Variants in NRXN1 observed in about 807,000 individuals in gnomAD.
The protein encoded by NRXN1 is neurexin 1, also known as neurexin-1.
NRXN1 carries 39 observed loss-of-function variants against 150.9 expected under a neutral mutation model. The observed-to-expected ratio is 0.26, with a 90% CI of 0.20 to 0.34. The LOEUF (loss-of-function observed/expected upper bound fraction) is 0.34. NRXN1 is among the 10% of genes least tolerant of loss of function. The pLI, the probability that NRXN1 is intolerant of heterozygous loss-of-function variation, is 1.00. For synonymous variants in NRXN1, 924 were observed against 757.0 expected, an observed-to-expected ratio of 1.22 and a Z score of -3.62; for missense variants, 1,815 against 1,949.9, an observed-to-expected ratio of 0.93 and a Z score of 1.30.
intron 22 of NRXN1, among the ~76,000 whole-genome samples, chr2:49,936,721 T>TAA (rs35706467): frequency 7.0e-6 from 1 of 141,852 alleles, no homozygotes; most frequent in Non-Finnish European, 1.6e-5. Context: ...ATTATATTGT[T>TAA]AAAAAAAAAA....
intron 17 of NRXN1, among the ~76,000 whole-genome samples, chr2:50,266,453 T>G (rs2152918736): frequency 6.8e-6 from 1 of 147,818 alleles, no homozygotes; most frequent in South Asian, 2.1e-4. Flanking sequence ...TTATTATAAT[T>G]ATATATTATG....
intron 21 of NRXN1, among the ~76,000 whole-genome samples, chr2:50,005,954 A>G (rs964194209): frequency 2.0e-5 from 3 of 152,124 alleles, no homozygotes; most frequent in Non-Finnish European, 4.4e-5. Context: ...AGGTTTCTGA[A>G]AGTATAACTT....
chr2:50,017,776 T>C (rs549675706), intron 21 of NRXN1, among the ~76,000 whole-genome samples: 5 of 152,098 alleles, frequency 3.3e-5, no homozygotes, highest in African/African-American at 9.6e-5. Flanking sequence ...TTTAAATATA[T>C]AGTAGACAGC....
At chr2:50,851,091 T>C (rs1441914980) in intron 5 of NRXN1, among the ~76,000 whole-genome samples, 1 of 152,192 alleles carries the variant, frequency 6.6e-6, no homozygotes, top group African/African-American at 2.4e-5. Context: ...AACATAGAGA[T>C]GACCACGGAA....
At chr2:50,496,410 CT>C (rs1161480238) in intron 14 of NRXN1, among the ~76,000 whole-genome samples, 1 of 152,158 alleles carries the variant, frequency 6.6e-6, no homozygotes, top group Non-Finnish European at 1.5e-5. Flanking sequence ...TCCCTCCATC[CT>C]TTTCTAACAC....
chr2:50,541,113 G>A (rs2093379603), intron 9 of NRXN1, among the ~76,000 whole-genome samples: 1 of 152,190 alleles, frequency 6.6e-6, no homozygotes, highest in South Asian at 2.1e-4. Flanking sequence ...AGGAGACACG[G>A]AACTTAGCAA....
intron 17 of NRXN1, among the ~76,000 whole-genome samples, chr2:50,323,561 G>T (rs192510907): frequency 6.9e-6 from 1 of 145,112 alleles, no homozygotes; most frequent in South Asian, 2.1e-4. Flanking sequence ...CGCAAGTTTC[G>T]GGAAATAAAC....
At chr2:50,031,830 T>C (rs1035524472) in intron 21 of NRXN1, among the ~76,000 whole-genome samples, 16 of 152,010 alleles carry the variant, frequency 1.1e-4, no homozygotes, top group African/African-American at 3.9e-4. Context: ...TAAATCTAGT[T>C]CTCAGCCCTT....
intron 15 of NRXN1, among the ~76,000 whole-genome samples, chr2:50,493,960 T>C (rs968475499): frequency 1.3e-5 from 2 of 152,350 alleles, no homozygotes; most frequent in South Asian, 2.1e-4. Context: ...AAGCCTGTTT[T>C]ATCTTCAGAG....
intron 18 of NRXN1, among the ~76,000 whole-genome samples, chr2:50,207,282 T>A (rs1252524077): frequency 1.4e-5 from 2 of 140,462 alleles, no homozygotes; most frequent in Admixed American, 1.4e-4. Flanking sequence ...GAAACTGCTA[T>A]TAAATTGCTG....
intron 21 of NRXN1, among the ~76,000 whole-genome samples, chr2:50,050,593 T>A (rs1422273950): frequency 1.3e-5 from 2 of 152,030 alleles, no homozygotes; most frequent in East Asian, 3.9e-4. Flanking sequence ...AGGAAGATGC[T>A]TCATCCAACC....
chr2:50,650,910 C>A (rs1685517490), intron 5 of NRXN1, among the ~76,000 whole-genome samples: 2 of 152,084 alleles, frequency 1.3e-5, no homozygotes, highest in South Asian at 2.1e-4. Context: ...AAATAATAGA[C>A]AACTCATTTT....
At chr2:50,637,792 G>A (rs1163968794) in intron 5 of NRXN1, among the ~76,000 whole-genome samples, 1 of 152,042 alleles carries the variant, frequency 6.6e-6, no homozygotes, top group Non-Finnish European at 1.5e-5. Context: ...GCAGGGACAT[G>A]CCAGAGAATG....
At chr2:50,577,585 G>A (rs17040856) in intron 8 of NRXN1, among the ~76,000 whole-genome samples, 16,555 of 151,966 alleles carry the variant, frequency 0.11, 1,172 homozygotes, top group East Asian at 0.25. Context: ...GGTTAACACC[G>A]TGTAAAAATG....
chr2:50,902,717 C>T (rs1332039551), intron 5 of NRXN1, among the ~76,000 whole-genome samples: 1 of 152,092 alleles, frequency 6.6e-6, no homozygotes, highest in Non-Finnish European at 1.5e-5. Flanking sequence ...TTCTGACTTG[C>T]TATTTCCTTA....
At chr2:50,330,756 G>C (rs149237371) in intron 17 of NRXN1, among the ~76,000 whole-genome samples, 1 of 152,138 alleles carries the variant, frequency 6.6e-6, no homozygotes, top group East Asian at 1.9e-4. Context: ...TACTGCCATA[G>C]GAATTACCTA....
At chr2:50,450,284 T>C (rs1384250281) in intron 17 of NRXN1, among the ~76,000 whole-genome samples, 2 of 152,168 alleles carry the variant, frequency 1.3e-5, no homozygotes, top group African/African-American at 4.8e-5. Flanking sequence ...CTCTTCTGAA[T>C]GCACACGGCA....
chr2:50,749,135 T>C (rs951116516), intron 5 of NRXN1, among the ~76,000 whole-genome samples: 2 of 152,164 alleles, frequency 1.3e-5, no homozygotes, highest in African/African-American at 4.8e-5. Flanking sequence ...AAACCTATTT[T>C]GTTTTTGTAA....
chr2:50,343,540 C>A (rs1410154491), intron 17 of NRXN1, among the ~76,000 whole-genome samples: 3 of 152,078 alleles, frequency 2.0e-5, no homozygotes, highest in African/African-American at 4.8e-5. Context: ...TATAAAAGGA[C>A]CCTGCAGTGT....
Sources: gnomAD v4.1 joint callset for allele counts (sites outside exome capture counted in the v4.1 genomes callset) on GRCh38, gnomAD v4.1.1 for gene constraint, MANE v1.5 for transcripts, NCBI Gene and HGNC (gene_info 2026-07-23, HGNC 2026-07-21) for gene names.